Variants in NAA16 observed in about 807,000 individuals in gnomAD.
NAA16 encodes the protein N-alpha-acetyltransferase 16, NatA auxiliary subunit, also known as NARG1-like protein.
In NAA16, 97 loss-of-function variants were observed where a neutral mutation model predicts 110.3. The ratio of observed to expected loss-of-function variants is 0.88; its 90% CI spans 0.75 to 1.04. NAA16 has a LOEUF of 1.04. Ranked by LOEUF, NAA16 falls within the 50% of genes least tolerant of loss-of-function variation. The pLI is 0.00. For synonymous variants in NAA16, 372 were observed against 330.6 expected (o/e 1.13, Z -1.36); for missense variants, 1,017 against 1,005.1 (o/e 1.01, Z -0.16).
At chr13:41,341,285 A>G (rs1566269757) in intron 9 of NAA16, among the ~76,000 whole-genome samples, 1 of 152,184 alleles carries the variant, frequency 6.6e-6, no homozygotes, top group Non-Finnish European at 1.5e-5. Flanking sequence ...TACTGAAGAT[A>G]ATGATAAGAA....
rs2042161517 is a variant in NAA16, at chr13:41,328,863, CTCTT to C, written c.811+24_811+27del. The C allele has an allele frequency of 6.4e-7, 1 of 1,572,926 alleles. No homozygotes were observed. Among genetic ancestry groups the C allele is most frequent in the African/African-American group, 1.4e-5 (1 of 73,888 alleles). On this transcript the variant is annotated intron_variant, in intron 7 of 19. Coordinates refer to ENST00000379406, the MANE Select transcript of NAA16 (RefSeq NM_024561.5). ...AAATTAGTATGTAATGATTTTTCTC[CTCTT>C]TCTCATAACTACTGATTGAAGTATA...
chr13:41,312,563 A>G (rs936845553), intron 1 of NAA16, among the ~76,000 whole-genome samples: 4 of 152,174 alleles, frequency 2.6e-5, no homozygotes, highest in African/African-American at 9.7e-5. Context: ...ACCTGAAAAA[A>G]AGCTTTTATT....
At chr13:41,311,995 T>C (rs1196246900) in intron 1 of NAA16, among the ~76,000 whole-genome samples, 1 of 152,222 alleles carries the variant, frequency 6.6e-6, no homozygotes, top group Non-Finnish European at 1.5e-5. Flanking sequence ...CGTTCTGCAT[T>C]CTCTGCTTTG....
chr13:41,373,527 G>C, intron 17 of NAA16, 110 bp from the exon 18 acceptor site: 8 of 1,300,800 alleles, frequency 6.2e-6, no homozygotes, highest in Non-Finnish European at 7.9e-6. Context: ...CAAAGTGCTG[G>C]GATTACAGGC....
chr13:41,326,493 C>G (rs917019051), intron 6 of NAA16, among the ~76,000 whole-genome samples: 1 of 152,124 alleles, frequency 6.6e-6, no homozygotes, highest in Non-Finnish European at 1.5e-5. Flanking sequence ...GATTTTAAAA[C>G]TCTTCTTCTA....
At chr13:41,364,891 T>G (rs1347104149) in intron 13 of NAA16, among the ~76,000 whole-genome samples, 2 of 152,168 alleles carry the variant, frequency 1.3e-5, no homozygotes, top group Non-Finnish European at 2.9e-5. Context: ...CTGTATAAGC[T>G]CTTACTAGTC....
intron 18 of NAA16, 189 bp from the exon 19 acceptor site, chr13:41,374,553 C>T (rs992626327): frequency 4.3e-6 from 2 of 467,998 alleles, no homozygotes; most frequent in African/African-American, 3.9e-5. Flanking sequence ...CATGGCCTAT[C>T]AATGGGATGC....
At chr13:41,324,218 G>C (rs1395126083) in intron 5 of NAA16, among the ~76,000 whole-genome samples, 1 of 151,968 alleles carries the variant, frequency 6.6e-6, no homozygotes, top group Non-Finnish European at 1.5e-5. Context: ...TGATTAGACT[G>C]GTTCTTTGTT....
intron 4 of NAA16, among the ~76,000 whole-genome samples, chr13:41,321,500 A>G (rs1168925148): frequency 6.6e-6 from 1 of 152,186 alleles, no homozygotes; most frequent in Non-Finnish European, 1.5e-5. Context: ...TGGAATATCT[A>G]TGTGCAGCTG....
chr13:41,321,156 G>A (rs61963134), intron 4 of NAA16, among the ~76,000 whole-genome samples: 18 of 152,170 alleles, frequency 1.2e-4, no homozygotes, highest in African/African-American at 2.2e-4. Flanking sequence ...AAATTAGCCC[G>A]GTATGGTAGT....
At chr13:41,330,365 T>C (rs1462576410) in intron 7 of NAA16, among the ~76,000 whole-genome samples, 1 of 152,032 alleles carries the variant, frequency 6.6e-6, no homozygotes, top group African/African-American at 2.4e-5. Flanking sequence ...TCAATACTTA[T>C]AAACTACATT....
At chr13:41,330,225 C>A (rs928753414) in intron 7 of NAA16, among the ~76,000 whole-genome samples, 1 of 151,472 alleles carries the variant, frequency 6.6e-6, no homozygotes, top group South Asian at 2.1e-4. Context: ...CCACACATAT[C>A]CTTGGTCTTA....
rs757548879 is a variant in NAA16 at position 41,373,674 on chromosome 13, A to G, written c.2193A>G (p.Lys731=). ...NHSNLPDIVS[K]VLSQEMQKIF... ...GTAATCTTCCAGACATTGTGAGCAA[A>G]GTTCTATCTCAAGAAATGCAGAAAA... Residue 731 remains lysine (K), a synonymous_variant, in exon 18 of 20, where the codon AAA becomes AAG. Coordinates refer to ENST00000379406, the MANE Select transcript of NAA16 (RefSeq NM_024561.5). The G allele has an allele frequency of 5.6e-6, 9 of 1,609,154 alleles. No homozygotes were observed. The highest frequency in any genetic ancestry group is 5.9e-6 in the Non-Finnish European group (7 of 1,178,310).
rs772833939 is a variant in NAA16 at position 41,362,127 on chromosome 13, G to A, written c.1507G>A (p.Asp503Asn). The A allele has an allele frequency of 1.9e-5, 30 of 1,606,312 alleles. No individual in the cohort carries two copies. The highest frequency in any genetic ancestry group is 2.5e-5 in the Non-Finnish European group (30 of 1,177,506). ...SAYQRLGRYG[D>N]ALKKCHEVER... ...TTATCAGCGTCTGGGGAGATACGGG[G>A]ATGCCTTGAAAAAATGTCATGAAGT... Residue 503 changes from aspartate (D) to asparagine (N), a missense_variant, in exon 13 of 20, where the codon GAT becomes AAT. Asp to Asn is a conservative substitution (Grantham distance 23). Transcript: ENST00000379406.
In NAA16 at chr13:41,318,843, A is replaced by T. The variant is rs1478442521; in HGVS notation, c.177A>T (p.Leu59Phe). The change falls in exon 3 of 20, where the codon TTA becomes TTT. Residue 59 changes from leucine to phenylalanine, a missense_variant. By Grantham distance (22) the Leu-to-Phe change is conservative (BLOSUM62 0). Transcript: ENST00000379406. Reference sequence around the variant, plus strand: ...TGAAAGGATTAACACTGAACTGTTTAGGAAAAAAAGAAGAAGCTTATGAGT... The same window carrying T: ...TGAAAGGATTAACACTGAACTGTTTTGGAAAAAAAGAAGAAGCTTATGAGT... ...LAMKGLTLNC[L>F]GKKEEAYEFV... 1.2e-6 allele frequency: 2 copies of T among 1,603,826 alleles called. No homozygotes were observed. Among genetic ancestry groups the T allele is most frequent in the African/African-American group, 2.7e-5 (2 of 74,526 alleles).
At chr13:41,363,449 C>G (rs4517661) in intron 13 of NAA16, among the ~76,000 whole-genome samples, 144,260 of 152,286 alleles carry the variant, frequency 0.95, 68,400 homozygotes, top group South Asian at 0.99. Context: ...CATTATAGTT[C>G]TGAACTTCTT....
Position 41,316,886 on chromosome 13 carries a change from T to C in NAA16, c.95T>C (p.Phe32Ser). 6.2e-7 allele frequency: 1 copy of C among 1,613,848 alleles called. No individual in the cohort carries two copies. The highest frequency in any genetic ancestry group is 8.5e-7 in the Non-Finnish European group (1 of 1,179,862). Residue 32 changes from phenylalanine to serine, a missense_variant, in exon 2 of 20, where the codon TTT becomes TCT. Physicochemically the swap from Phe to Ser is radical, Grantham distance 155 (BLOSUM62 -2). Transcript: ENST00000379406. ...EQKQYKNGLK[F>S]CKMILSNPKF... ...AAGCAGTACAAAAATGGCCTCAAGT[T>C]TTGCAAGATGATTCTGTCGAACCCA... is the stretch of plus-strand genomic sequence containing the variant.
At chr13:41,342,599 A>G (rs1025617607) in intron 9 of NAA16, among the ~76,000 whole-genome samples, 2 of 152,230 alleles carry the variant, frequency 1.3e-5, no homozygotes, top group Non-Finnish European at 2.9e-5. Context: ...AATCAAAACT[A>G]GAAACAAACA....
At chr13:41,343,891 C>T (rs78540492) in intron 9 of NAA16, among the ~76,000 whole-genome samples, 1 of 152,126 alleles carries the variant, frequency 6.6e-6, no homozygotes, top group Non-Finnish European at 1.5e-5. Context: ...AGGCTGGTCT[C>T]AAAATCTTGG....
Sources: gnomAD v4.1 joint callset for allele counts (sites outside exome capture counted in the v4.1 genomes callset) on GRCh38, gnomAD v4.1.1 for gene constraint, MANE v1.5 for transcripts, NCBI Gene and HGNC (gene_info 2026-07-23, HGNC 2026-07-21) for gene names.